Variants in POU6F2 observed in about 807,000 individuals in gnomAD.
POU6F2 encodes POU class 6 homeobox 2.
POU6F2 carries 31 observed loss-of-function variants against 71.3 expected under a neutral mutation model. That is an observed-to-expected ratio of 0.43 (90% CI 0.33 to 0.59). POU6F2 has a LOEUF of 0.59. Among genes scored for constraint, POU6F2 ranks in the 20% least tolerant of loss-of-function variants. The probability of loss-of-function intolerance (pLI) is 0.04; values close to 1 mark genes in which losing one functional copy is unlikely to be tolerated. For synonymous variants in POU6F2, 347 were observed against 355.7 expected (o/e 0.98, Z 0.27); for missense variants, 783 against 856.8 (o/e 0.91, Z 1.07).
chr7:39,401,876 A>G (rs969840625), intron 5 of POU6F2, among the ~76,000 whole-genome samples: 2 of 152,354 alleles, frequency 1.3e-5, no homozygotes, highest in African/African-American at 4.8e-5. Context: ...ATAGAACTAT[A>G]GATCATGGGC....
At chr7:39,117,196 T>G (rs1791948476) in intron 2 of POU6F2, among the ~76,000 whole-genome samples, 1 of 152,222 alleles carries the variant, frequency 6.6e-6, no homozygotes, top group Admixed American at 6.5e-5. Context: ...ATCATTATGA[T>G]AATAAATCTT....
intron 8 of POU6F2, among the ~76,000 whole-genome samples, chr7:39,453,771 G>A (rs938539228): frequency 2.0e-5 from 3 of 152,168 alleles, no homozygotes; most frequent in Non-Finnish European, 2.9e-5. Context: ...TATGATGAGT[G>A]AACCATATTA....
At chr7:39,413,735 T>C (rs972413316) in intron 6 of POU6F2, among the ~76,000 whole-genome samples, 1 of 152,210 alleles carries the variant, frequency 6.6e-6, no homozygotes, top group African/African-American at 2.4e-5. Flanking sequence ...GAAATATATA[T>C]GTTCATGGGA....
chr7:39,030,543 T>C (rs11973196), intron 1 of POU6F2, among the ~76,000 whole-genome samples: 3,625 of 87,874 alleles, frequency 0.041, 331 homozygotes, highest in East Asian at 0.11. Flanking sequence ...TATATATATA[T>C]ACACACACAT....
intron 4 of POU6F2, among the ~76,000 whole-genome samples, chr7:39,321,906 C>CAG (rs934181287): frequency 1.3e-5 from 2 of 151,300 alleles, no homozygotes; most frequent in African/African-American, 2.4e-5. Flanking sequence ...GAGAGAGAGA[C>CAG]AGAGAGAGAG....
At chr7:39,299,897 A>G (rs905914645) in intron 4 of POU6F2, among the ~76,000 whole-genome samples, 5 of 152,188 alleles carry the variant, frequency 3.3e-5, no homozygotes, top group Non-Finnish European at 7.3e-5. Flanking sequence ...CCTTCAGGCC[A>G]TGCTTTTTGC....
rs1786722586 is a variant in POU6F2 at position 39,376,989 on chromosome 7, G to A, written c.973-29611G>A. Among the ~76,000 whole-genome samples, 4 of 146,906 alleles carry A rather than the reference G, an allele frequency of 2.7e-5. No individual in the cohort carries two copies. The South Asian group carries it at 6.4e-4, about 24-fold the overall frequency. On this transcript the variant is annotated intron_variant, in intron 5 of 9. Transcript: ENST00000518318. The stretch of plus-strand genomic sequence containing the variant: ...TATAAAAATATATTTTACTTATGTC[G>A]ATCATATAAATATATTTGTTTAACT...
intron 1 of POU6F2, among the ~76,000 whole-genome samples, chr7:39,015,758 T>C (rs372890879): frequency 1.0e-5 from 1 of 95,720 alleles, no homozygotes; most frequent in East Asian, 2.8e-4. Context: ...ATATTATATA[T>C]AGATATATTA....
At chr7:39,228,907 G>A (rs1794521703) in intron 4 of POU6F2, among the ~76,000 whole-genome samples, 1 of 152,146 alleles carries the variant, frequency 6.6e-6, no homozygotes, top group Admixed American at 6.6e-5. Flanking sequence ...TGTCTTTCGG[G>A]CTCTGCAGAA....
chr7:39,031,105 T>C (rs1789932513), intron 1 of POU6F2, among the ~76,000 whole-genome samples: 1 of 152,054 alleles, frequency 6.6e-6, no homozygotes, highest in Non-Finnish European at 1.5e-5. Flanking sequence ...TTCACCATCT[T>C]GGCCAGGCTG....
chr7:39,150,316 A>T (rs1792730131), intron 2 of POU6F2, among the ~76,000 whole-genome samples: 1 of 151,752 alleles, frequency 6.6e-6, no homozygotes, highest in Non-Finnish European at 1.5e-5. Context: ...CAATGAACAT[A>T]GGAGTGTAGA....
rs112404177 is a variant in POU6F2 at position 39,375,825 on chromosome 7, T to C, written c.973-30775T>C. Among the ~76,000 whole-genome samples, 290 of 152,226 alleles carry C rather than the reference T, an allele frequency of 1.9e-3. 3 individuals are homozygous for C. Among genetic ancestry groups the C allele is most frequent in the Non-Finnish European group, 1.8e-3 (120 of 68,004 alleles). On this transcript the variant is annotated intron_variant, in intron 5 of 9. Coordinates refer to ENST00000518318, the MANE Select transcript of POU6F2 (RefSeq NM_001370959.1). ...CAGGTTGGCAGTCAATAGCAGGAGA[T>C]GCTTTGGCAGAAAGAGCAATTTGGG... is the stretch of plus-strand genomic sequence containing the variant.
At chr7:39,018,133 G>T (rs1446692326) in intron 1 of POU6F2, among the ~76,000 whole-genome samples, 2 of 152,094 alleles carry the variant, frequency 1.3e-5, no homozygotes, top group Admixed American at 6.6e-5. Context: ...ATGACAGAAA[G>T]CCAGATCGAT....
intron 5 of POU6F2, among the ~76,000 whole-genome samples, chr7:39,402,534 C>G (rs1474445498): frequency 6.6e-6 from 1 of 151,940 alleles, no homozygotes; most frequent in Non-Finnish European, 1.5e-5. Flanking sequence ...CTTATGGAAA[C>G]CTAACGAATG....
chr7:39,257,823 C>T (rs1044815572), intron 4 of POU6F2, among the ~76,000 whole-genome samples: 4 of 151,224 alleles, frequency 2.6e-5, no homozygotes, highest in African/African-American at 4.9e-5. Context: ...AGGGTACACA[C>T]GGGGGAAATT....
intron 4 of POU6F2, among the ~76,000 whole-genome samples, chr7:39,297,538 TG>T (rs1784873847): frequency 6.6e-6 from 1 of 152,198 alleles, no homozygotes; most frequent in Admixed American, 6.5e-5. Flanking sequence ...TATATAATCA[TG>T]GCCTGAATTA....
At chr7:39,407,965 C>T (rs1207830640) in intron 6 of POU6F2, among the ~76,000 whole-genome samples, 1 of 152,202 alleles carries the variant, frequency 6.6e-6, no homozygotes, top group Non-Finnish European at 1.5e-5. Flanking sequence ...ACACTGTGCC[C>T]TCTACAGTAA....
intron 2 of POU6F2, among the ~76,000 whole-genome samples, chr7:39,092,761 C>T (rs1220688060): frequency 6.6e-6 from 1 of 152,140 alleles, no homozygotes; most frequent in East Asian, 1.9e-4. Context: ...TTGGAGACAT[C>T]TCCTACTCTG....
intron 4 of POU6F2, among the ~76,000 whole-genome samples, chr7:39,318,681 G>A (rs1456656677): frequency 1.3e-5 from 2 of 152,204 alleles, no homozygotes; most frequent in African/African-American, 2.4e-5. Flanking sequence ...ATCACTACAT[G>A]ACTTGTTCAA....
Sources: allele counts gnomAD v4.1 joint callset (sites outside exome capture counted in the v4.1 genomes callset), GRCh38; gene constraint gnomAD v4.1.1; transcripts MANE v1.5; gene names NCBI Gene and HGNC (gene_info 2026-07-23, HGNC 2026-07-21).